The following SYT1 variants were observed in gnomAD, a reference collection of about 807,000 sequenced individuals.
SYT1 encodes the protein synaptotagmin-1.
SYT1 carries 8 observed loss-of-function variants against 44.8 expected under a neutral mutation model. The ratio of observed to expected loss-of-function variants is 0.18; its 90% confidence interval spans 0.10 to 0.32. The LOEUF is 0.32. Among genes scored for constraint, SYT1 ranks in the 10% least tolerant of loss-of-function variants. The pLI, the probability that SYT1 is intolerant of heterozygous loss-of-function variation, is 1.00. For synonymous variants in SYT1, 154 were observed against 188.8 expected (o/e 0.82, Z 1.51); for missense variants, 286 against 509.3 (o/e 0.56, Z 4.22).
intron 3 of SYT1, among the ~76,000 whole-genome samples, chr12:79,084,714 A>G (rs896185618): frequency 6.6e-6 from 1 of 152,174 alleles, no homozygotes; most frequent in South Asian, 2.1e-4. Context: ...CCAGTGTAAT[A>G]TATCAATTAT....
intron 1 of SYT1, among the ~76,000 whole-genome samples, chr12:78,937,839 T>C (rs953330002): frequency 6.6e-6 from 1 of 152,184 alleles, no homozygotes; most frequent in Non-Finnish European, 1.5e-5. Context: ...GCTAACTGGA[T>C]AATTTTTATT....
At chr12:78,989,124 C>A (rs192057295) in intron 2 of SYT1, among the ~76,000 whole-genome samples, 1 of 152,168 alleles carries the variant, frequency 6.6e-6, no homozygotes, top group Non-Finnish European at 1.5e-5. Flanking sequence ...ATGGGGAAGA[C>A]TCCAACAGAA....
intron 2 of SYT1, among the ~76,000 whole-genome samples, chr12:79,026,955 G>T (rs1017059651): frequency 6.6e-6 from 1 of 151,370 alleles, no homozygotes; most frequent in Non-Finnish European, 1.5e-5. Context: ...ATTGTTGATA[G>T]AAAAACAAAT....
chr12:78,899,991 C>T (rs1196983423), intron 1 of SYT1, among the ~76,000 whole-genome samples: 1 of 151,910 alleles, frequency 6.6e-6, no homozygotes, highest in Non-Finnish European at 1.5e-5. Flanking sequence ...AGATAGACTC[C>T]TTATTGAAAG....
At chr12:78,923,909 C>A (rs1287645986) in intron 1 of SYT1, among the ~76,000 whole-genome samples, 1 of 151,846 alleles carries the variant, frequency 6.6e-6, no homozygotes, top group African/African-American at 2.4e-5. Flanking sequence ...ATAGGTTTCC[C>A]AATAATGTCT....
At chr12:79,421,180 A>C (rs545078455) in intron 9 of SYT1, among the ~76,000 whole-genome samples, 3 of 152,162 alleles carry the variant, frequency 2.0e-5, no homozygotes, top group Admixed American at 2.0e-4. Flanking sequence ...ATGAATAAAT[A>C]ATAACATTTT....
At chr12:78,950,178 A>G (rs2137291154) in intron 1 of SYT1, among the ~76,000 whole-genome samples, 1 of 152,156 alleles carries the variant, frequency 6.6e-6, no homozygotes, top group South Asian at 2.1e-4. Flanking sequence ...ACATTTTCCT[A>G]TAACATTTTG....
intron 6 of SYT1, among the ~76,000 whole-genome samples, chr12:79,292,916 C>CA (rs1406700953): frequency 6.6e-6 from 1 of 152,062 alleles, no homozygotes; most frequent in Non-Finnish European, 1.5e-5. Context: ...CCAGGATCCA[C>CA]AACGTTGATG....
intron 3 of SYT1, among the ~76,000 whole-genome samples, chr12:79,198,103 T>C (rs887242292): frequency 2.6e-5 from 4 of 152,204 alleles, no homozygotes; most frequent in Non-Finnish European, 5.9e-5. Flanking sequence ...AAATTTGTTA[T>C]AAAATTTCAT....
chr12:79,416,563 G>T (rs771947515), intron 9 of SYT1, among the ~76,000 whole-genome samples: 2 of 152,062 alleles, frequency 1.3e-5, no homozygotes, highest in African/African-American at 2.4e-5. Context: ...GCGAGCATTG[G>T]TAATTTAGTT....
chr12:79,324,586 A>C (rs1225449953), intron 8 of SYT1, among the ~76,000 whole-genome samples: 1 of 152,184 alleles, frequency 6.6e-6, no homozygotes, highest in Admixed American at 6.5e-5. Context: ...GAGGCATTTA[A>C]TATTTGTCTT....
intron 1 of SYT1, among the ~76,000 whole-genome samples, chr12:78,902,194 A>G (rs1273070977): frequency 6.3e-5 from 8 of 127,824 alleles, no homozygotes; most frequent in Admixed American, 2.3e-4. Flanking sequence ...AATAATAAAT[A>G]TGTATATATA....
chr12:79,350,554 C>G (rs1882855287), intron 8 of SYT1, among the ~76,000 whole-genome samples: 1 of 152,118 alleles, frequency 6.6e-6, no homozygotes, highest in Non-Finnish European at 1.5e-5. Flanking sequence ...GCCCGGCCCT[C>G]AGGATGCATA....
chr12:79,047,156 A>G (rs540629075), intron 2 of SYT1, 141 bp from the exon 3 acceptor site: 242 of 151,800 alleles, frequency 1.6e-3, no homozygotes, highest in Middle Eastern at 0.01. Flanking sequence ...AAATATGGAT[A>G]TATATGACAT....
rs971657407 is a variant in SYT1 at position 79,314,085 on chromosome 12, C to T, written c.810+14534C>T. Among the ~76,000 whole-genome samples, 79 of 140,154 alleles carry T rather than the reference C, an allele frequency of 5.6e-4. 1 individual carries two copies. Among genetic ancestry groups the T allele is most frequent in the Non-Finnish European group, 9.9e-4 (66 of 66,708 alleles). 91.9% of individuals were successfully genotyped at this position (140,154 alleles called of 152,430 possible). On this transcript the variant is annotated intron_variant, in intron 8 of 10. Coordinates refer to ENST00000261205, the MANE Select transcript of SYT1 (RefSeq NM_005639.3). The stretch of plus-strand genomic sequence containing the variant: ...TCGGGAGGCTGAGGCAGGAGAATGG[C>T]GTGAACCCGGGAGGCGGAGCTTGCA...
chr12:79,326,128 T>A (rs1371269532), intron 8 of SYT1, among the ~76,000 whole-genome samples: 1 of 152,224 alleles, frequency 6.6e-6, no homozygotes, highest in Admixed American at 6.5e-5. Flanking sequence ...AATTTTAGCA[T>A]AATTATTGAA....
intron 8 of SYT1, among the ~76,000 whole-genome samples, chr12:79,307,150 C>T (rs1880435866): frequency 6.6e-6 from 1 of 152,168 alleles, no homozygotes; most frequent in South Asian, 2.1e-4. Flanking sequence ...TAATCCATTA[C>T]AATCTGTTAC....
At chr12:79,174,447 G>A (rs1038609097) in intron 3 of SYT1, among the ~76,000 whole-genome samples, 4 of 151,920 alleles carry the variant, frequency 2.6e-5, no homozygotes, top group African/African-American at 7.2e-5. Context: ...GGGAGAAATC[G>A]GGTTTCAATT....
chr12:78,973,916 CAAAAA>C (rs1162433648), intron 1 of SYT1, among the ~76,000 whole-genome samples: 16 of 9,074 alleles, frequency 1.8e-3, no homozygotes, highest in African/African-American at 4.3e-3. Flanking sequence ...AGACGAACAC[CAAAAA>C]AAAAAAAAAA....
Sources: gnomAD v4.1 joint callset for allele counts (sites outside exome capture counted in the v4.1 genomes callset) on GRCh38, gnomAD v4.1.1 for gene constraint, MANE v1.5 for transcripts, NCBI Gene and HGNC (gene_info 2026-07-23, HGNC 2026-07-21) for gene names.